CCDC171: variants seen among roughly 807,000 people sequenced by gnomAD.
CCDC171 encodes coiled-coil domain-containing protein 171.
A neutral mutation model predicts 168.2 loss-of-function variants in CCDC171; 177 were observed. The ratio of observed to expected loss-of-function variants is 1.05; its 90% CI spans 0.93 to 1.19. CCDC171 has a LOEUF of 1.19. CCDC171 is among the 50% of genes most tolerant of loss of function. CCDC171 has a pLI of 0.00. For synonymous variants in CCDC171, 687 were observed against 540.8 expected (o/e 1.27, Z -3.75); for missense variants, 1,991 against 1,539.0 (o/e 1.29, Z -4.91).
At chr9:15,896,093 T>G (rs1367480865) in intron 24 of CCDC171, among the ~76,000 whole-genome samples, 1 of 152,092 alleles carries the variant, frequency 6.6e-6, no homozygotes, top group Non-Finnish European at 1.5e-5. Flanking sequence ...ATTGTCCCTT[T>G]GCTCTTTCTT....
intron 3 of CCDC171, among the ~76,000 whole-genome samples, chr9:16,016,672 T>C (rs892628333): frequency 2.6e-5 from 4 of 152,200 alleles, no homozygotes; most frequent in African/African-American, 4.8e-5. Context: ...CTGGTGTCTG[T>C]TGGATTTCCC....
the CCDC171 span, among the ~76,000 whole-genome samples, chr9:16,078,376 G>T: frequency 1.3e-5 from 2 of 152,126 alleles, no homozygotes; most frequent in African/African-American, 4.8e-5. Flanking sequence ...CAGCATTTCA[G>T]AACATTGCTT....
chr9:15,948,224 G>A lies in CCDC171; in HGVS notation c.3754-23385G>A, dbSNP rs373523277. Among the ~76,000 whole-genome samples the A allele has an allele frequency of 1.4e-3, 218 of 150,414 alleles. 1 individual carries two copies. Among genetic ancestry groups the A allele is most frequent in the Middle Eastern group, 0.01 (3 of 294 alleles). On this transcript the variant is annotated intron_variant, in intron 25 of 25. Coordinates refer to ENST00000380701, the MANE Select transcript of CCDC171 (RefSeq NM_173550.4). ...CCACATTTTCTTAATCCAGTCTATC[G>A]TTGTTGGACATTTGGGTTGGTTCCA... is the stretch of plus-strand genomic sequence containing the variant.
chr9:15,676,064 T>C (rs915745358), intron 9 of CCDC171, among the ~76,000 whole-genome samples: 2 of 152,178 alleles, frequency 1.3e-5, no homozygotes, highest in Non-Finnish European at 2.9e-5. Flanking sequence ...GGAGGCCTTG[T>C]TCATTTCTTT....
chr9:16,041,719 G>T (rs182286548), upstream of CCDC171, among the ~76,000 whole-genome samples: 1 of 152,130 alleles, frequency 6.6e-6, no homozygotes, highest in Non-Finnish European at 1.5e-5. Flanking sequence ...TGGTGATTTC[G>T]TAAATGAGAA....
At chr9:15,913,633 G>T (rs527849466) in intron 24 of CCDC171, among the ~76,000 whole-genome samples, 1 of 152,194 alleles carries the variant, frequency 6.6e-6, no homozygotes, top group South Asian at 2.1e-4. Flanking sequence ...ACCTTCTGAA[G>T]CCCAATTCTG....
At chr9:15,653,028 A>C in intron 7 of CCDC171, among the ~76,000 whole-genome samples, 1 of 152,182 alleles carries the variant, frequency 6.6e-6, no homozygotes, top group Non-Finnish European at 1.5e-5. Flanking sequence ...CACGTCAGCA[A>C]TATATGTAGG....
At chr9:15,599,404 AT>A (rs1321777853) in intron 6 of CCDC171, among the ~76,000 whole-genome samples, 3 of 152,042 alleles carry the variant, frequency 2.0e-5, no homozygotes, top group Non-Finnish European at 2.9e-5. Context: ...TCCTTCACTT[AT>A]GAAGCTTAGT....
chr9:15,778,150 A>C (rs1245522414), intron 19 of CCDC171, among the ~76,000 whole-genome samples: 1 of 146,850 alleles, frequency 6.8e-6, no homozygotes, highest in East Asian at 2.0e-4. Flanking sequence ...ACAAAAAATT[A>C]GCCCGGCGCG....
In CCDC171 at chr9:15,865,436, C is replaced by T. The variant is rs904419395; in HGVS notation, c.3469-9096C>T. ...AAGTTGACCCTTGAACACATGGGTT[C>T]GAATTGTGTGGGTCCACTTATACGT... is the stretch of plus-strand genomic sequence containing the variant. On this transcript the variant is annotated intron_variant, in intron 23 of 25. Coordinates refer to ENST00000380701, the MANE Select transcript of CCDC171 (RefSeq NM_173550.4). Among the ~76,000 whole-genome samples, 110 of 150,184 alleles carry T rather than the reference C, an allele frequency of 7.3e-4. 1 individual carries two copies. The highest frequency in any genetic ancestry group is 2.5e-3 in the African/African-American group (101 of 40,984).
At chr9:15,610,627 T>TAA (rs1054395104) in intron 6 of CCDC171, among the ~76,000 whole-genome samples, 3 of 141,012 alleles carry the variant, frequency 2.1e-5, no homozygotes, top group African/African-American at 7.8e-5. Flanking sequence ...AAACTCTGTC[T>TAA]AAAAAAAAAA....
At chr9:16,019,647 A>G (rs961598750) in intron 3 of CCDC171, among the ~76,000 whole-genome samples, 2 of 152,294 alleles carry the variant, frequency 1.3e-5, no homozygotes, top group Non-Finnish European at 2.9e-5. Context: ...TACAGTCTAC[A>G]ATTACCATAT....
At chr9:15,603,592 T>C (rs1398275931) in intron 6 of CCDC171, among the ~76,000 whole-genome samples, 1 of 152,226 alleles carries the variant, frequency 6.6e-6, no homozygotes, top group Non-Finnish European at 1.5e-5. Flanking sequence ...TTTCATTCAT[T>C]TATGGCTGCA....
At chr9:15,917,626 G>A (rs900669608) in intron 24 of CCDC171, among the ~76,000 whole-genome samples, 4 of 151,626 alleles carry the variant, frequency 2.6e-5, no homozygotes, top group Admixed American at 2.0e-4. Context: ...TTTAAAGGGA[G>A]ATTTGAAGGA....
At chr9:15,975,345 C>T (rs1351467424), downstream of CCDC171, among the ~76,000 whole-genome samples, 1 of 151,998 alleles carries the variant, frequency 6.6e-6, no homozygotes, top group Non-Finnish European at 1.5e-5. Context: ...GTCCTGCCTT[C>T]CAGAAATAAT....
chr9:16,093,339 T>G, the CCDC171 span, among the ~76,000 whole-genome samples: 3 of 152,158 alleles, frequency 2.0e-5, no homozygotes, highest in Non-Finnish European at 4.4e-5. Context: ...CTTCAGGGGC[T>G]TCCCACAGGC....
At chr9:15,799,148 AT>A (rs1564428881) in intron 21 of CCDC171, among the ~76,000 whole-genome samples, 1 of 143,710 alleles carries the variant, frequency 7.0e-6, no homozygotes, top group African/African-American at 2.6e-5. Context: ...ATATATATAT[AT>A]ATATATATAT....
chr9:15,630,512 G>A (rs1288845894), intron 7 of CCDC171, among the ~76,000 whole-genome samples: 4 of 152,036 alleles, frequency 2.6e-5, no homozygotes, highest in Non-Finnish European at 4.4e-5. Context: ...ACAGGAGCAC[G>A]AAGATTCATA....
In CCDC171 at chr9:15,900,107, A is replaced by G. The variant is rs140048861; in HGVS notation, c.3601-20163A>G. On this transcript the variant is annotated intron_variant, in intron 24 of 25. Transcript: ENST00000380701. ...TCCTTTCCCATGTTGTACATCTGCT[A>G]TAAAATTAGTCTTCTCCCCTCGATG... Among the ~76,000 whole-genome samples the G allele has an allele frequency of 7.8e-4, 119 of 152,330 alleles. 1 individual carries two copies. The highest frequency in any genetic ancestry group is 2.6e-3 in the African/African-American group (110 of 41,580).
Sources: allele counts gnomAD v4.1 joint callset (sites outside exome capture counted in the v4.1 genomes callset), GRCh38; gene constraint gnomAD v4.1.1; transcripts MANE v1.5; gene names NCBI Gene and HGNC (gene_info 2026-07-23, HGNC 2026-07-21).